Variants in CSPP1 observed in about 807,000 individuals in gnomAD.
The protein encoded by CSPP1 is centrosome and spindle pole-associated protein 1.
A neutral mutation model predicts 164.4 loss-of-function variants in CSPP1; 126 were observed. The ratio of observed to expected loss-of-function variants is 0.77; its 90% CI spans 0.66 to 0.89. CSPP1 has a LOEUF of 0.89. Among genes scored for constraint, CSPP1 ranks in the 40% least tolerant of loss-of-function variants. The pLI is 0.00. For synonymous variants in CSPP1, 472 were observed against 476.7 expected, an observed-to-expected ratio of 0.99 and a Z score of 0.13; for missense variants, 1,395 against 1,449.8, an observed-to-expected ratio of 0.96 and a Z score of 0.61.
At chr8:67,147,953 CTG>C (rs1268407165) in intron 17 of CSPP1, among the ~76,000 whole-genome samples, 2 of 152,122 alleles carry the variant, frequency 1.3e-5, no homozygotes, top group Admixed American at 1.3e-4. Context: ...CAGTCTCACT[CTG>C]TCACCCAGCC....
At chr8:67,109,420 A>G (rs570597169) in intron 9 of CSPP1, among the ~76,000 whole-genome samples, 4 of 152,344 alleles carry the variant, frequency 2.6e-5, no homozygotes, top group African/African-American at 4.8e-5. Flanking sequence ...TATCAGGTCC[A>G]CCTAAGATAA....
chr8:67,107,319 A>G (rs1815780019), intron 9 of CSPP1, among the ~76,000 whole-genome samples: 1 of 152,196 alleles, frequency 6.6e-6, no homozygotes, highest in Non-Finnish European at 1.5e-5. Context: ...AAGTGCTGGG[A>G]TTATAGGCGT....
chr8:67,114,423 A>G (rs1817515550), intron 12 of CSPP1, 53 bp downstream of exon 12: 1 of 152,598 alleles, frequency 6.6e-6, no homozygotes, highest in African/African-American at 2.4e-5. Context: ...GTTATGTAAT[A>G]TTTATTTCTA....
intron 28 of CSPP1, among the ~76,000 whole-genome samples, chr8:67,183,926 C>T (rs889773664): frequency 2.1e-5 from 3 of 142,968 alleles, no homozygotes; most frequent in African/African-American, 5.3e-5. Flanking sequence ...GATCTTGGCT[C>T]ACTGCAACCT....
chr8:67,130,469 A>C (rs1820998505), intron 15 of CSPP1, among the ~76,000 whole-genome samples: 1 of 152,196 alleles, frequency 6.6e-6, no homozygotes, highest in Non-Finnish European at 1.5e-5. Context: ...TTATTCATTT[A>C]CACAAAGAGC....
chr8:67,113,935 T>C, intron 11 of CSPP1, 73 bp downstream of exon 11: 1 of 849,370 alleles, frequency 1.2e-6, no homozygotes, highest in Non-Finnish European at 1.9e-6. Flanking sequence ...CAGGTGGGGA[T>C]AGAGAATATT....
intron 22 of CSPP1, 58 bp from the exon 23 acceptor site, chr8:67,163,674 T>C: frequency 7.6e-7 from 1 of 1,309,182 alleles, no homozygotes; most frequent in Non-Finnish European, 1.1e-6. Context: ...ATTACTCCCT[T>C]CAAGCTTCTG....
chr8:67,081,691 T>A (rs998908548), intron 3 of CSPP1, among the ~76,000 whole-genome samples: 1 of 152,262 alleles, frequency 6.6e-6, no homozygotes, highest in Admixed American at 6.5e-5. Context: ...ATTAATCTTT[T>A]AAAAATGTTT....
chr8:67,118,877 A>T, intron 15 of CSPP1, 56 bp downstream of exon 15: 4 of 1,191,666 alleles, frequency 3.4e-6, no homozygotes, highest in Non-Finnish European at 5.0e-6. Flanking sequence ...GTTAAGATAC[A>T]CATAACCTAA....
rs761352317 is a variant in CSPP1, at chr8:67,093,623, G to A, written c.465G>A (p.Gln155=). The change falls in exon 6 of 31, where the codon CAG becomes CAA. Residue 155 remains glutamine, a synonymous_variant. Coordinates refer to ENST00000678616, the MANE Select transcript of CSPP1 (RefSeq NM_001382391.1). ...GKEESSEKFR[Q]VEKSTEPKSQ... ...AAGAATCCAGTGAAAAGTTCAGGCA[G>A]GTGGAAAAGAGTACTGAGGTAGGTT... The A allele has an allele frequency of 1.0e-5, 16 of 1,607,618 alleles. No homozygotes were observed. The South Asian group carries it at 1.8e-4, about 18-fold the overall frequency.
intron 28 of CSPP1, among the ~76,000 whole-genome samples, chr8:67,187,649 A>G (rs2129574446): frequency 6.6e-6 from 1 of 152,056 alleles, no homozygotes; most frequent in South Asian, 2.1e-4. Flanking sequence ...ACGCCACTAA[A>G]CTCCAGCCTG....
chr8:67,142,807 G>C (rs953816383), intron 17 of CSPP1, among the ~76,000 whole-genome samples: 1 of 152,096 alleles, frequency 6.6e-6, no homozygotes, highest in Non-Finnish European at 1.5e-5. Context: ...TAGTTGCTCT[G>C]AATTTTCATC....
At chr8:67,156,354 A>G (rs1388532544) in intron 19 of CSPP1, among the ~76,000 whole-genome samples, 1 of 152,158 alleles carries the variant, frequency 6.6e-6, no homozygotes, top group Admixed American at 6.5e-5. Context: ...ACTTCTATTT[A>G]TAGGATTCAC....
chr8:67,086,759 C>T, intron 4 of CSPP1: 1 of 848,764 alleles, frequency 1.2e-6, no homozygotes, highest in South Asian at 1.4e-5. Flanking sequence ...TTCTGATTTA[C>T]ACATGGAGAG....
intron 24 of CSPP1, among the ~76,000 whole-genome samples, chr8:67,168,319 CGGGAGA>C (rs1445652641): frequency 3.4e-5 from 1 of 29,308 alleles, no homozygotes; most frequent in Non-Finnish European, 6.3e-5. Context: ...GTGGGGGAGA[CGGGAGA>C]GGGGGAGGGG....
intron 15 of CSPP1, among the ~76,000 whole-genome samples, chr8:67,124,039 A>G (rs1819568788): frequency 6.6e-6 from 1 of 151,526 alleles, no homozygotes; most frequent in South Asian, 2.1e-4. Context: ...AGCTGGGACT[A>G]CAGGCGCCCG....
At chr8:67,127,462 G>A (rs1820318126) in intron 15 of CSPP1, among the ~76,000 whole-genome samples, 1 of 152,070 alleles carries the variant, frequency 6.6e-6, no homozygotes, top group Non-Finnish European at 1.5e-5. Flanking sequence ...TCATCACGAG[G>A]ACTGTACCCT....
chr8:67,161,742 T>G, intron 21 of CSPP1, 69 bp from the exon 22 acceptor site: 1 of 755,838 alleles, frequency 1.3e-6, no homozygotes, highest in Non-Finnish European at 2.3e-6. Flanking sequence ...ATAAGGGGTG[T>G]GTGTGTGTGT....
In CSPP1 at chr8:67,100,660, A is replaced by G. The variant is rs570523521; in HGVS notation, c.924-2377A>G. Among the ~76,000 whole-genome samples the G allele has an allele frequency of 2.0e-4, 30 of 151,274 alleles. No individual in the cohort carries two copies. In the South Asian group the frequency reaches 5.6e-3, roughly 28 times the overall value. On this transcript the variant is annotated intron_variant, in intron 7 of 30. Coordinates refer to ENST00000678616, the MANE Select transcript of CSPP1 (RefSeq NM_001382391.1). The stretch of plus-strand genomic sequence containing the variant: ...AGTGGTACAGTCTTGGCTCACTGCA[A>G]CCTCTGCCTTCCAGGCTCAAACAGT...
Sources: allele counts gnomAD v4.1 joint callset (sites outside exome capture counted in the v4.1 genomes callset), GRCh38; gene constraint gnomAD v4.1.1; transcripts MANE v1.5; gene names NCBI Gene and HGNC (gene_info 2026-07-23, HGNC 2026-07-21).